COLGALT2: variants seen among roughly 807,000 people sequenced by gnomAD.
COLGALT2 encodes the protein procollagen galactosyltransferase 2.
Under a neutral mutation model 73.4 loss-of-function variants are expected in COLGALT2, and 49 were observed. That is an observed-to-expected ratio of 0.67 (90% CI 0.53 to 0.85). The LOEUF is 0.85. COLGALT2 is among the 40% of genes least tolerant of loss of function. The pLI, the probability that COLGALT2 is intolerant of heterozygous loss-of-function variation, is 0.00. For missense variants in COLGALT2, 722 were observed against 790.2 expected (o/e 0.91, Z 1.03); for synonymous variants, 295 against 307.6 (o/e 0.96, Z 0.43).
intron 2 of COLGALT2, among the ~76,000 whole-genome samples, chr1:183,976,706 C>T (rs1024330767): frequency 6.6e-6 from 1 of 151,962 alleles, no homozygotes; most frequent in African/African-American, 2.4e-5. Context: ...ATATTCTAGC[C>T]CCTGCCAAAG....
intron 1 of COLGALT2, among the ~76,000 whole-genome samples, chr1:184,006,866 T>A (rs1019099792): frequency 2.0e-4 from 31 of 152,226 alleles, no homozygotes; most frequent in Admixed American, 1.7e-3. Context: ...CATCTCTGAA[T>A]TCACTGGCAC....
intron 8 of COLGALT2, among the ~76,000 whole-genome samples, chr1:183,947,404 CA>C (rs893794007): frequency 6.6e-6 from 1 of 152,140 alleles, no homozygotes; most frequent in African/African-American, 2.4e-5. Context: ...TGAAATCACA[CA>C]AGGTATGTTC....
chr1:183,969,451 T>A lies in COLGALT2; in HGVS notation c.650A>T (p.Asp217Val). 2 of 1,612,274 alleles carry A rather than the reference T, an allele frequency of 1.2e-6. No homozygotes were observed. The highest frequency in any genetic ancestry group is 1.7e-6 in the Non-Finnish European group (2 of 1,179,142). Residue 217 changes from aspartate to valine, a missense_variant, in exon 5 of 12, where the codon GAC (aspartate) becomes GTC (valine). By Grantham distance (152) the Asp-to-Val change is radical. Transcript: ENST00000361927. ...CTTCCATTCTCGAATCTGAACGTAG[T>A]CTGGGGTCCTCTTATAGAAGCCCTG... ...TPKGFYKRTP[D>V]YVQIREWKRT...
intron 1 of COLGALT2, among the ~76,000 whole-genome samples, chr1:184,022,336 C>A (rs1649203776): frequency 6.6e-6 from 1 of 152,156 alleles, no homozygotes. Flanking sequence ...TGAATGTGTC[C>A]TCCAAAGTTC....
chr1:183,996,602 C>G (rs1161838197), intron 1 of COLGALT2, among the ~76,000 whole-genome samples: 1 of 152,216 alleles, frequency 6.6e-6, no homozygotes. Flanking sequence ...TTCCCCACCT[C>G]GTGAACAAAG....
intron 1 of COLGALT2, among the ~76,000 whole-genome samples, chr1:183,979,099 T>C (rs991244725): frequency 6.6e-6 from 1 of 152,198 alleles, no homozygotes; most frequent in African/African-American, 2.4e-5. Context: ...AACTTTACCA[T>C]CACGTTTACA....
chr1:183,947,546 T>G (rs1174945254), intron 8 of COLGALT2, among the ~76,000 whole-genome samples: 1 of 152,174 alleles, frequency 6.6e-6, no homozygotes, highest in African/African-American at 2.4e-5. Context: ...TTAGAAAATA[T>G]TTTGAGATGA....
chr1:183,973,663 C>G lies in COLGALT2; in HGVS notation c.580G>C (p.Glu194Gln). The G allele has an allele frequency of 6.2e-7, 1 of 1,614,004 alleles. No homozygotes were observed. Among genetic ancestry groups the G allele is most frequent in the Non-Finnish European group, 8.5e-7 (1 of 1,179,954 alleles). ...ENKTIVAPML[E>Q]SRGLYSNFWC... The stretch of plus-strand genomic sequence containing the variant: ...AAATTAGAATACAGGCCCCGAGACT[C>G]CAGCATGGGGGCCACAATAGTTTTG... The change falls in exon 4 of 12, where the codon GAG becomes CAG. Residue 194 changes from glutamate (E) to glutamine (Q), a missense_variant. Glu to Gln is a conservative substitution (Grantham distance 29). Transcript: ENST00000361927.
intron 1 of COLGALT2, among the ~76,000 whole-genome samples, chr1:184,028,453 A>C (rs1319250131): frequency 6.6e-6 from 1 of 152,146 alleles, no homozygotes; most frequent in African/African-American, 2.4e-5. Flanking sequence ...TCACTCTCAG[A>C]AAGAAAAGGG....
chr1:184,037,285 A>G lies in COLGALT2; in HGVS notation c.73T>C (p.Cys25Arg). ...LLSSALLREG[C>R]RARFVAERDS... Reference sequence around the variant, plus strand: ...CGCTCGGCGACGAAGCGCGCTCGGCAGCCTTCGCGGAGCAGGGCTGAGGAG... The same window carrying G: ...CGCTCGGCGACGAAGCGCGCTCGGCGGCCTTCGCGGAGCAGGGCTGAGGAG... The change falls in exon 1 of 12, where the codon TGC (cysteine) becomes CGC (arginine). Residue 25 changes from cysteine (C) to arginine (R), a missense_variant. By Grantham distance (180) the Cys-to-Arg change is radical (BLOSUM62 -3). Transcript: ENST00000361927. 2 of 1,548,686 alleles carry G rather than the reference A, an allele frequency of 1.3e-6. No individual in the cohort carries two copies. Among genetic ancestry groups the G allele is most frequent in the Non-Finnish European group, 1.7e-6 (2 of 1,148,702 alleles).
intron 1 of COLGALT2, among the ~76,000 whole-genome samples, chr1:183,994,110 C>T (rs1262209276): frequency 7.6e-6 from 1 of 130,928 alleles, no homozygotes; most frequent in Non-Finnish European, 1.6e-5. Flanking sequence ...GTGATCTCGG[C>T]TCACTGCAAA....
At chr1:183,983,009 C>T (rs1445709501) in intron 1 of COLGALT2, among the ~76,000 whole-genome samples, 1 of 152,234 alleles carries the variant, frequency 6.6e-6, no homozygotes, top group Non-Finnish European at 1.5e-5. Flanking sequence ...AGCATCCACT[C>T]CTGATGAACA....
intron 1 of COLGALT2, among the ~76,000 whole-genome samples, chr1:184,007,817 T>C (rs540646432): frequency 6.6e-6 from 1 of 152,226 alleles, no homozygotes; most frequent in Non-Finnish European, 1.5e-5. Flanking sequence ...TGTTTTTCTT[T>C]AATCTTTCCT....
chr1:184,034,975 A>G (rs1032814919), intron 1 of COLGALT2, among the ~76,000 whole-genome samples: 1 of 152,250 alleles, frequency 6.6e-6, no homozygotes, highest in Non-Finnish European at 1.5e-5. Flanking sequence ...TGTTACCTAA[A>G]GAATTACACA....
chr1:184,026,167 C>T (rs1468625850), intron 1 of COLGALT2, among the ~76,000 whole-genome samples: 1 of 152,162 alleles, frequency 6.6e-6, no homozygotes, highest in African/African-American at 2.4e-5. Context: ...CGTATTTGCA[C>T]ACTAGGGAAA....
intron 1 of COLGALT2, among the ~76,000 whole-genome samples, chr1:184,016,519 T>C (rs1649003815): frequency 6.6e-6 from 1 of 152,222 alleles, no homozygotes; most frequent in South Asian, 2.1e-4. Context: ...AAAAGGAATA[T>C]TTCTACCACT....
At chr1:183,969,575 T>C (rs1670980799) in intron 4 of COLGALT2, 102 bp from the exon 5 acceptor site, 1 of 1,048,186 alleles carries the variant, frequency 9.5e-7, no homozygotes, top group Non-Finnish European at 1.4e-6. Flanking sequence ...ACCAGCTATA[T>C]ACAAGCTCCC....
chr1:184,024,608 C>T (rs534372730), intron 1 of COLGALT2, among the ~76,000 whole-genome samples: 1 of 150,962 alleles, frequency 6.6e-6, no homozygotes, highest in South Asian at 2.1e-4. Context: ...GCCTTGGCCT[C>T]CCAAAGTTCT....
chr1:183,978,612 G>T, intron 1 of COLGALT2, 92 bp from the exon 2 acceptor site: 1 of 629,806 alleles, frequency 1.6e-6, no homozygotes, highest in Non-Finnish European at 2.6e-6. Flanking sequence ...AAAGAAGAAT[G>T]GCTACTCCTG....
Sources: gnomAD v4.1 joint callset for allele counts (sites outside exome capture counted in the v4.1 genomes callset) on GRCh38, gnomAD v4.1.1 for gene constraint, MANE v1.5 for transcripts, NCBI Gene and HGNC (gene_info 2026-07-23, HGNC 2026-07-21) for gene names.